Variants in RBFOX1 observed in about 807,000 individuals in gnomAD.
The protein encoded by RBFOX1 is RNA binding fox-1 homolog 1.
In RBFOX1, 8 loss-of-function variants were observed where a neutral mutation model predicts 57.7. The observed-to-expected ratio is 0.14, with a 90% CI of 0.08 to 0.25. RBFOX1 has a LOEUF of 0.25. Among genes scored for constraint, RBFOX1 ranks in the 10% least tolerant of loss-of-function variants. RBFOX1 has a pLI of 1.00. For synonymous variants in RBFOX1, 326 were observed against 222.4 expected (o/e 1.47, Z -4.15); for missense variants, 611 against 548.5 (o/e 1.11, Z -1.14).
chr16:7,658,286 C>A (rs555222945), intron 12 of RBFOX1, among the ~76,000 whole-genome samples: 10 of 152,174 alleles, frequency 6.6e-5, no homozygotes, highest in Non-Finnish European at 1.5e-4. Flanking sequence ...GGGGCACTTG[C>A]AGTTTCACAG....
At chr16:6,338,901 A>G (rs1482005196) in intron 2 of RBFOX1, among the ~76,000 whole-genome samples, 1 of 152,148 alleles carries the variant, frequency 6.6e-6, no homozygotes, top group East Asian at 1.9e-4. Context: ...TTAGTCAAGA[A>G]CTCATTCTCA....
intron 2 of RBFOX1, among the ~76,000 whole-genome samples, chr16:6,622,036 G>C (rs891885991): frequency 2.6e-5 from 4 of 152,170 alleles, no homozygotes; most frequent in African/African-American, 9.7e-5. Flanking sequence ...CAAGACCTGA[G>C]AGTGATGTGT....
At chr16:7,160,280 G>C (rs983577785) in intron 4 of RBFOX1, among the ~76,000 whole-genome samples, 1 of 151,814 alleles carries the variant, frequency 6.6e-6, no homozygotes, top group Non-Finnish European at 1.5e-5. Flanking sequence ...CCTGTCTTTG[G>C]CAGGTTTCAG....
intron 1 of RBFOX1, among the ~76,000 whole-genome samples, chr16:6,281,053 C>A (rs1051289637): frequency 6.7e-6 from 1 of 149,418 alleles, no homozygotes; most frequent in Non-Finnish European, 1.5e-5. Context: ...ACATGCAGGT[C>A]TGCTTTGGAG....
chr16:6,964,159 A>G (rs992471124), intron 3 of RBFOX1, among the ~76,000 whole-genome samples: 5 of 152,140 alleles, frequency 3.3e-5, no homozygotes, highest in South Asian at 4.1e-4. Flanking sequence ...GTGAGATTAC[A>G]GGCATGTGCC....
chr16:5,978,375 G>C (rs1440408163), intron 4 of RBFOX1, among the ~76,000 whole-genome samples: 1 of 151,978 alleles, frequency 6.6e-6, no homozygotes, highest in Non-Finnish European at 1.5e-5. Context: ...GGATAATTTT[G>C]GATTTGCAGA....
At chr16:7,355,511 G>C (rs769805964) in intron 4 of RBFOX1, among the ~76,000 whole-genome samples, 4 of 152,056 alleles carry the variant, frequency 2.6e-5, no homozygotes, top group Non-Finnish European at 5.9e-5. Context: ...ATAGGTATGT[G>C]TACAAGGACA....
At chr16:5,667,784 A>T (rs980994608) in intron 3 of RBFOX1, among the ~76,000 whole-genome samples, 1 of 152,214 alleles carries the variant, frequency 6.6e-6, no homozygotes, top group African/African-American at 2.4e-5. Context: ...AGGAAGAATA[A>T]AACTAAATAA....
intron 4 of RBFOX1, among the ~76,000 whole-genome samples, chr16:7,129,096 G>A (rs1390394063): frequency 6.6e-6 from 1 of 152,080 alleles, no homozygotes; most frequent in East Asian, 1.9e-4. Flanking sequence ...TGGGATTACA[G>A]GTGTGAGCCA....
In RBFOX1 at chr16:5,965,340, T is replaced by C. The variant is rs183911243; in HGVS notation, c.351+98005T>C. Among the ~76,000 whole-genome samples, 11 of 152,326 alleles carry C rather than the reference T, an allele frequency of 7.2e-5. No individual in the cohort carries two copies. The East Asian group carries it at 2.1e-3, about 29-fold the overall frequency. On this transcript the variant is annotated intron_variant, in intron 4 of 19. Coordinates refer to the RBFOX1 transcript ENST00000641259. ...ACGTAGCTGTGTGAAGTGATTGATA[T>C]GTTAATTAGCTTCATTATGGTAATC...
chr16:5,873,713 A>G (rs138482798), intron 4 of RBFOX1, among the ~76,000 whole-genome samples: 1 of 152,202 alleles, frequency 6.6e-6, no homozygotes, highest in Admixed American at 6.5e-5. Flanking sequence ...ATGAGGACTG[A>G]TGTTGTCAAT....
chr16:7,362,677 A>T (rs985264238), intron 4 of RBFOX1, among the ~76,000 whole-genome samples: 4 of 151,368 alleles, frequency 2.6e-5, no homozygotes, highest in South Asian at 2.1e-4. Flanking sequence ...TAGTTTGCAT[A>T]TGTGTGTTAG....
chr16:7,222,685 C>G (rs1444718417), intron 4 of RBFOX1, among the ~76,000 whole-genome samples: 1 of 152,178 alleles, frequency 6.6e-6, no homozygotes, highest in Non-Finnish European at 1.5e-5. Flanking sequence ...GGTTGTCGTG[C>G]AAATTACATG....
At chr16:6,195,041 C>T (rs1376192306) in intron 1 of RBFOX1, among the ~76,000 whole-genome samples, 1 of 152,038 alleles carries the variant, frequency 6.6e-6, no homozygotes, top group African/African-American at 2.4e-5. Flanking sequence ...TTTTCCTTGC[C>T]CCCAAATCTT....
At chr16:6,798,513 G>A (rs911846822) in intron 3 of RBFOX1, among the ~76,000 whole-genome samples, 1 of 152,082 alleles carries the variant, frequency 6.6e-6, no homozygotes, top group Non-Finnish European at 1.5e-5. Flanking sequence ...GACCCCTGAT[G>A]CTTAAATAGG....
At chr16:6,593,074 C>G (rs756087775) in intron 2 of RBFOX1, among the ~76,000 whole-genome samples, 55 of 152,278 alleles carry the variant, frequency 3.6e-4, no homozygotes, top group Non-Finnish European at 6.3e-4. Context: ...TGCCTGTACT[C>G]CCAGCTACTT....
chr16:6,890,233 A>G (rs532854169), intron 3 of RBFOX1, among the ~76,000 whole-genome samples: 1 of 152,148 alleles, frequency 6.6e-6, no homozygotes, highest in Non-Finnish European at 1.5e-5. Flanking sequence ...TGAAAACCTA[A>G]GGAGGGTGGG....
chr16:6,700,629 G>C (rs1035534452), intron 3 of RBFOX1, among the ~76,000 whole-genome samples: 1 of 152,090 alleles, frequency 6.6e-6, no homozygotes, highest in Admixed American at 6.5e-5. Context: ...CTGCACTCCA[G>C]CCTGGGCAAC....
chr16:7,594,925 T>A (rs945828889), intron 7 of RBFOX1, among the ~76,000 whole-genome samples: 3 of 152,238 alleles, frequency 2.0e-5, no homozygotes, highest in African/African-American at 7.2e-5. Context: ...CATGTGACTT[T>A]TTTGTTTATT....
Sources: allele counts gnomAD v4.1 joint callset (sites outside exome capture counted in the v4.1 genomes callset), GRCh38; gene constraint gnomAD v4.1.1; transcripts MANE v1.5; gene names NCBI Gene and HGNC (gene_info 2026-07-23, HGNC 2026-07-21).